The following REPS1 variants were observed in gnomAD, a reference collection of about 807,000 sequenced individuals.
REPS1 encodes ralBP1-associated Eps domain-containing protein 1.
REPS1 carries 39 observed loss-of-function variants against 100.9 expected under a neutral mutation model. That is an observed-to-expected ratio of 0.39 (90% CI 0.30 to 0.50). REPS1 has a LOEUF of 0.50. Ranked by LOEUF, REPS1 falls within the 20% of genes least tolerant of loss-of-function variation. The probability of loss-of-function intolerance (pLI) is 0.86; values close to 1 mark genes in which losing one functional copy is unlikely to be tolerated. For missense variants in REPS1, 821 were observed against 968.5 expected, an observed-to-expected ratio of 0.85 and a Z score of 2.02; for synonymous variants, 324 against 340.3, an observed-to-expected ratio of 0.95 and a Z score of 0.53.
At chr6:138,981,332 C>G (rs1333763147) in intron 1 of REPS1, among the ~76,000 whole-genome samples, 1 of 152,126 alleles carries the variant, frequency 6.6e-6, no homozygotes, top group Non-Finnish European at 1.5e-5. Flanking sequence ...TCAATGAAAT[C>G]TGGTATACAG....
At chr6:138,913,022 TC>T (rs2128431722) in intron 15 of REPS1, 72 bp from the exon 16 acceptor site, 13 of 1,306,836 alleles carry the variant, frequency 9.9e-6, no homozygotes, top group Admixed American at 5.3e-5. Context: ...ATCTTCTTCT[TC>T]TTCGAAAACT....
intron 12 of REPS1, among the ~76,000 whole-genome samples, chr6:138,919,744 A>G (rs568540671): frequency 3.3e-5 from 5 of 151,892 alleles, no homozygotes; most frequent in South Asian, 2.1e-4. Flanking sequence ...CACTCTCTCC[A>G]CCCTTTCCCA....
chr6:138,950,031 T>C (rs1487029104), intron 1 of REPS1, among the ~76,000 whole-genome samples: 3 of 152,204 alleles, frequency 2.0e-5, no homozygotes, highest in South Asian at 2.1e-4. Context: ...TTTAGGACTT[T>C]TGGGTTTGCT....
chr6:138,957,299 C>T (rs910469082), intron 1 of REPS1, among the ~76,000 whole-genome samples: 2 of 151,996 alleles, frequency 1.3e-5, no homozygotes, highest in Non-Finnish European at 2.9e-5. Context: ...TTAGAAATGG[C>T]GGAGAAGTGT....
intron 1 of REPS1, among the ~76,000 whole-genome samples, chr6:138,960,632 T>C (rs1057022777): frequency 2.7e-4 from 41 of 152,178 alleles, no homozygotes; most frequent in African/African-American, 5.8e-4. Context: ...GTTTAAAGTG[T>C]AGAGGAAATT....
intron 2 of REPS1, among the ~76,000 whole-genome samples, chr6:138,947,116 T>C (rs1200934347): frequency 1.3e-5 from 2 of 151,614 alleles, no homozygotes; most frequent in Admixed American, 6.6e-5. Context: ...CCATTTACGT[T>C]CTGCCACGAT....
At chr6:138,937,699 C>T (rs1781944759) in intron 8 of REPS1, among the ~76,000 whole-genome samples, 1 of 152,182 alleles carries the variant, frequency 6.6e-6, no homozygotes, top group Admixed American at 6.5e-5. Context: ...CTGAGTTGCA[C>T]ATGTGAGCAG....
chr6:138,911,214 A>C, intron 17 of REPS1, 62 bp downstream of exon 17: 1 of 1,142,210 alleles, frequency 8.8e-7, no homozygotes, highest in Non-Finnish European at 1.3e-6. Flanking sequence ...CCTTATTTCT[A>C]AAAATTATTT....
At chr6:138,915,149 T>A (rs756939673) in intron 14 of REPS1, 23 of 184,964 alleles carry the variant, frequency 1.2e-4, no homozygotes, top group African/African-American at 5.3e-4. Context: ...GACTAAAACA[T>A]AACTTCATCA....
chr6:138,976,318 CACAGGA>C (rs775559051), intron 1 of REPS1, among the ~76,000 whole-genome samples: 4 of 151,872 alleles, frequency 2.6e-5, no homozygotes, highest in Admixed American at 6.6e-5. Context: ...TTTTTTTCTC[CACAGGA>C]ACATGCTATT....
intron 8 of REPS1, among the ~76,000 whole-genome samples, chr6:138,940,898 G>C (rs1782205791): frequency 6.6e-6 from 1 of 151,932 alleles, no homozygotes; most frequent in Non-Finnish European, 1.5e-5. Flanking sequence ...GAGAGAGCGT[G>C]GTATTTTAAA....
intron 12 of REPS1, among the ~76,000 whole-genome samples, chr6:138,918,095 G>A (rs1297194331): frequency 1.3e-5 from 2 of 150,960 alleles, no homozygotes; most frequent in African/African-American, 4.9e-5. Context: ...GTGTATGTTT[G>A]TGTGTGTGTG....
intron 1 of REPS1, among the ~76,000 whole-genome samples, chr6:138,968,781 G>C (rs1784153453): frequency 6.6e-6 from 1 of 152,128 alleles, no homozygotes. Context: ...TGTGCTTACA[G>C]CCACATCAAG....
chr6:138,971,482 AG>A lies in REPS1; in HGVS notation c.153+16047del, dbSNP rs144277867. Among the ~76,000 whole-genome samples, 478 of 152,168 alleles carry A rather than the reference AG, an allele frequency of 3.1e-3. 3 individuals are homozygous for A. Among genetic ancestry groups the A allele is most frequent in the Middle Eastern group, 6.8e-3 (2 of 294 alleles). Reference sequence around the variant, plus strand: ...CTCATTATATTTTATGAAAAAAAAAAGTATACGCTATAGTGCCAAGGTGTCC... The same window carrying A: ...CTCATTATATTTTATGAAAAAAAAAATATACGCTATAGTGCCAAGGTGTCC... On this transcript the variant is annotated intron_variant, in intron 1 of 19. Coordinates refer to ENST00000450536, the MANE Select transcript of REPS1 (RefSeq NM_001286611.2).
At position 138,955,322 on chromosome 6, in the gene REPS1, C is replaced by A. The variant is rs111311758; in HGVS notation, c.154-7409G>T. ...CATATAAGCAGGGTGTGATGGCACA[C>A]CTGTAGTGCTAGCTACTAGGGAAGC... On this transcript the variant is annotated intron_variant, in intron 1 of 19. Coordinates refer to ENST00000450536, the MANE Select transcript of REPS1 (RefSeq NM_001286611.2). Among the ~76,000 whole-genome samples, 323 of 151,736 alleles carry A rather than the reference C, an allele frequency of 2.1e-3. 2 individuals carry two copies. The highest frequency in any genetic ancestry group is 7.1e-3 in the African/African-American group (295 of 41,310).
chr6:138,939,278 G>C (rs934064774), intron 8 of REPS1, among the ~76,000 whole-genome samples: 1 of 147,700 alleles, frequency 6.8e-6, no homozygotes, highest in African/African-American at 2.5e-5. Flanking sequence ...TGCTGTGAGG[G>C]GGGAAAAAAC....
chr6:138,926,589 T>C (rs1167860373), intron 9 of REPS1, 108 bp from the exon 10 acceptor site: 6 of 722,344 alleles, frequency 8.3e-6, no homozygotes, highest in Admixed American at 2.4e-5. Context: ...AAGTTGTGTT[T>C]CATAGGTTTA....
intron 1 of REPS1, among the ~76,000 whole-genome samples, chr6:138,967,059 T>C (rs1020652841): frequency 3.3e-5 from 5 of 152,248 alleles, no homozygotes; most frequent in Admixed American, 6.5e-5. Context: ...TAGATTAATG[T>C]AATTTATCAC....
intron 7 of REPS1, 106 bp from the exon 8 acceptor site, chr6:138,941,595 A>C: frequency 9.4e-7 from 1 of 1,069,012 alleles, no homozygotes; most frequent in Non-Finnish European, 1.4e-6. Flanking sequence ...GCAAGAACTC[A>C]GTAATTATAA....
Sources: allele counts gnomAD v4.1 joint callset (sites outside exome capture counted in the v4.1 genomes callset), GRCh38; gene constraint gnomAD v4.1.1; transcripts MANE v1.5; gene names NCBI Gene and HGNC (gene_info 2026-07-23, HGNC 2026-07-21).